The following NDUFA10 variants were observed in gnomAD, a reference collection of about 807,000 sequenced individuals.
NDUFA10 encodes the protein NADH dehydrogenase [ubiquinone] 1 alpha subcomplex subunit 10, mitochondrial.
In NDUFA10, 40 loss-of-function variants were observed where a neutral mutation model predicts 47.8. That is an observed-to-expected ratio of 0.84 (90% confidence interval 0.65 to 1.09). NDUFA10 has a LOEUF of 1.09. NDUFA10 is among the 50% of genes least tolerant of loss of function. NDUFA10 has a pLI of 0.00. For synonymous variants in NDUFA10, 183 were observed against 172.2 expected (o/e 1.06, Z -0.49); for missense variants, 413 against 451.1 (o/e 0.92, Z 0.76).
At position 239,959,530 on chromosome 2, in the gene NDUFA10, G is replaced by C; in HGVS notation, c.*1588C>G. On this transcript the variant is annotated 3_prime_UTR_variant, in exon 10 of 10. Coordinates refer to ENST00000252711, the MANE Select transcript of NDUFA10 (RefSeq NM_004544.4). ...TTTCATTTCATGATTAAAGCTGTTG[G>C]TTTCCTAGTGAAATGCAAAACTTCA... 1 of 985,476 alleles carries C rather than the reference G, an allele frequency of 1.0e-6. No homozygotes were observed. Among genetic ancestry groups the C allele is most frequent in the East Asian group, 1.1e-4 (1 of 8,816 alleles). The allele number at this position is 985,476 out of a possible 1,614,324, so 61.0% of individuals were successfully genotyped here.
At chr2:239,898,963 G>GGGTGTGATGAAGAGGTATGATGGAGA (rs1455531185) in intron 4 of NDUFA10, among the ~76,000 whole-genome samples, 1 of 111,224 alleles carries the variant, frequency 9.0e-6, no homozygotes, top group Admixed American at 8.4e-5. Context: ...GGGTGTGGCA[G>GGGTGTGATGAAGAGGTATGATGGAGA]GGTGTGATGA....
chr2:239,899,466 C>CGGAGGGGTGTGAT (rs1246182503), intron 4 of NDUFA10, among the ~76,000 whole-genome samples: 1 of 75,670 alleles, frequency 1.3e-5, no homozygotes, highest in Non-Finnish European at 2.7e-5. Context: ...AGGGGTGTGA[C>CGGAGGGGTGTGAT]GGAGGGGTGT....
rs964775327 is a variant in NDUFA10 at position 239,989,996 on chromosome 2, T to C, written c.999+78A>G. 3 of 1,056,530 alleles carry C rather than the reference T, an allele frequency of 2.8e-6. No individual in the cohort carries two copies. In the African/African-American group the frequency reaches 4.7e-5, roughly 16 times the overall value. 65.4% of individuals were successfully genotyped at this position (1,056,530 alleles called of 1,614,324 possible). A position where few individuals can be genotyped will look rare whatever the true frequency, so the allele number is the denominator to read the frequency against. On this transcript the variant is annotated intron_variant, in intron 9 of 9. Coordinates refer to ENST00000252711, the MANE Select transcript of NDUFA10 (RefSeq NM_004544.4). The stretch of plus-strand genomic sequence containing the variant: ...AACACAGCAACAACAAAAACTCCTT[T>C]CTGGAGAAGTGACTGCATTGTCCCC...
intron 9 of NDUFA10, among the ~76,000 whole-genome samples, chr2:239,963,350 G>C (rs1056072489): frequency 7.9e-5 from 12 of 152,202 alleles, no homozygotes; most frequent in Non-Finnish European, 1.5e-4. Flanking sequence ...AGGGCCAGGG[G>C]GATCCCCCAA....
At chr2:239,944,625 C>T (rs1056932144) in intron 4 of NDUFA10, among the ~76,000 whole-genome samples, 3 of 152,148 alleles carry the variant, frequency 2.0e-5, no homozygotes, top group South Asian at 2.1e-4. Context: ...GACTCAGAAC[C>T]GACAAAAACT....
intron 4 of NDUFA10, among the ~76,000 whole-genome samples, chr2:239,931,810 C>T (rs1015813377): frequency 4.0e-5 from 6 of 151,720 alleles, no homozygotes; most frequent in Middle Eastern, 3.2e-3. Context: ...TCTGAAGAGC[C>T]GCCCTTCATC....
At position 240,019,797 on chromosome 2, in the gene NDUFA10, C is replaced by T. The variant is rs1471118630; in HGVS notation, c.461-1158G>A. 4.0e-4 allele frequency among the ~76,000 whole-genome samples: 8 copies of T among 19,798 alleles called. 3 individuals are homozygous for T. Among genetic ancestry groups the T allele is most frequent in the African/African-American group, 1.2e-3 (6 of 4,870 alleles). 13.0% of individuals were successfully genotyped at this position (19,798 alleles called of 152,430 possible). A position where few individuals can be genotyped will look rare whatever the true frequency, so the allele number is the denominator to read the frequency against. On this transcript the variant is annotated intron_variant, in intron 3 of 9. Coordinates refer to ENST00000252711, the MANE Select transcript of NDUFA10 (RefSeq NM_004544.4). ...TCCCGCCACTGCACTCCAGCCTGGGCGACAGAGCGAGACTCCGTCTCAAAA... is the reference window on the plus strand; with the variant it reads ...TCCCGCCACTGCACTCCAGCCTGGGTGACAGAGCGAGACTCCGTCTCAAAA...
chr2:239,920,786 C>A (rs1693959872), intron 4 of NDUFA10, among the ~76,000 whole-genome samples: 1 of 152,180 alleles, frequency 6.6e-6, no homozygotes, highest in South Asian at 2.1e-4. Flanking sequence ...GCCCCAGCCA[C>A]ACCTGCTATT....
At chr2:240,025,164 T>TGGCCCCCC in intron 1 of NDUFA10, 63 bp downstream of exon 1, 9 of 594,904 alleles carry the variant, frequency 1.5e-5, no homozygotes, top group Non-Finnish European at 1.9e-5. Flanking sequence ...GTGGAACTGC[T>TGGCCCCCC]CCCCACCCCG....
chr2:239,959,879 G>A lies in NDUFA10; in HGVS notation c.*1239C>T. On this transcript the variant is annotated 3_prime_UTR_variant, in exon 10 of 10. Coordinates refer to ENST00000252711, the MANE Select transcript of NDUFA10 (RefSeq NM_004544.4). ...AGGGAAAAAGGCAGGCGGACGCAAG[G>A]AGGGAAGGAGTGTGCATCTTCTTCG... The A allele has an allele frequency of 4.1e-6, 4 of 985,318 alleles. No homozygotes were observed. The highest frequency in any genetic ancestry group is 4.8e-6 in the Non-Finnish European group (4 of 829,780). The allele number at this position is 985,318 out of a possible 1,614,324, so 61.0% of individuals were successfully genotyped here.
intron 1 of NDUFA10, among the ~76,000 whole-genome samples, chr2:240,023,386 T>G (rs545444858): frequency 6.6e-6 from 1 of 152,344 alleles, no homozygotes; most frequent in South Asian, 2.1e-4. Flanking sequence ...CATTAGTTTT[T>G]CATGTGTCAA....
chr2:239,967,984 A>ACACACACACT, intron 9 of NDUFA10, among the ~76,000 whole-genome samples: 1 of 147,366 alleles, frequency 6.8e-6, no homozygotes, highest in South Asian at 2.1e-4. Context: ...AAATATACAC[A>ACACACACACT]CACACACACA....
Position 239,960,028 on chromosome 2 carries a change from C to G in NDUFA10, c.*1090G>C. 3 of 984,886 alleles carry G rather than the reference C, an allele frequency of 3.0e-6. No homozygotes were observed. The South Asian group carries it at 1.4e-4, about 46-fold the overall frequency. 61.0% of individuals were successfully genotyped at this position (984,886 alleles called of 1,614,324 possible). On this transcript the variant is annotated 3_prime_UTR_variant, in exon 10 of 10. Transcript: ENST00000252711. ...GTGCCTGAACTATGGCCAGTGCAAC[C>G]AAGGAACCCAATTTTAAACTCTATT...
intron 9 of NDUFA10, among the ~76,000 whole-genome samples, chr2:239,980,007 G>A (rs979966542): frequency 6.6e-6 from 1 of 151,678 alleles, no homozygotes; most frequent in African/African-American, 2.4e-5. Context: ...CCCCTGTGGC[G>A]CCTGCTCCCC....
chr2:239,973,893 C>T (rs1263419478), intron 9 of NDUFA10, among the ~76,000 whole-genome samples: 2 of 152,076 alleles, frequency 1.3e-5, no homozygotes, highest in Non-Finnish European at 2.9e-5. Context: ...GGTACACATG[C>T]CCCACTGAAA....
intron 9 of NDUFA10, chr2:239,983,444 A>G: frequency 6.6e-7 from 1 of 1,514,412 alleles, no homozygotes; most frequent in South Asian, 1.2e-5. Flanking sequence ...TTTAATTTCA[A>G]CTGATCATTT....
chr2:239,988,544 G>A (rs1696099046), intron 9 of NDUFA10, among the ~76,000 whole-genome samples: 1 of 152,182 alleles, frequency 6.6e-6, no homozygotes, highest in South Asian at 2.1e-4. Context: ...GAAGGACTGA[G>A]GGCAGAGACT....
At chr2:239,991,893 C>T (rs1696264782) in intron 8 of NDUFA10, among the ~76,000 whole-genome samples, 1 of 152,178 alleles carries the variant, frequency 6.6e-6, no homozygotes, top group East Asian at 1.9e-4. Context: ...TAGAGAGCAA[C>T]AGCGCCATCT....
intron 8 of NDUFA10, among the ~76,000 whole-genome samples, chr2:240,000,026 T>C (rs751829144): frequency 3.3e-5 from 5 of 152,214 alleles, no homozygotes; most frequent in Admixed American, 6.5e-5. Flanking sequence ...TGATGTGGCA[T>C]TGACAAACCT....
Sources: gnomAD v4.1 joint callset for allele counts (sites outside exome capture counted in the v4.1 genomes callset) on GRCh38, gnomAD v4.1.1 for gene constraint, MANE v1.5 for transcripts, NCBI Gene and HGNC (gene_info 2026-07-23, HGNC 2026-07-21) for gene names.